Variants in RGS6 observed in about 807,000 individuals in gnomAD.
RGS6 encodes regulator of G protein signaling 6, also known as regulator of G-protein signaling 6.
RGS6 carries 30 observed loss-of-function variants against 78.5 expected under a neutral mutation model. The ratio of observed to expected loss-of-function variants is 0.38; its 90% CI spans 0.29 to 0.52. The LOEUF (loss-of-function observed/expected upper bound fraction) is 0.52, where lower values mean the gene tolerates loss of function less well. RGS6 is among the 20% of genes least tolerant of loss of function. The pLI is 0.85. For missense variants in RGS6, 495 were observed against 609.7 expected (o/e 0.81, Z 1.98); for synonymous variants, 206 against 206.0 (o/e 1.00, Z 0.00).
chr14:72,461,823 T>C (rs1597852902), intron 6 of RGS6, among the ~76,000 whole-genome samples: 1 of 152,204 alleles, frequency 6.6e-6, no homozygotes, highest in East Asian at 1.9e-4. Flanking sequence ...CTGGGTGATC[T>C]TGGCAAATTA....
chr14:72,133,706 C>G (rs1037114506), intron 2 of RGS6, among the ~76,000 whole-genome samples: 1 of 152,100 alleles, frequency 6.6e-6, no homozygotes, highest in Admixed American at 6.6e-5. Context: ...GCCTCTTCCT[C>G]CACTGTCAGG....
At chr14:72,591,827 G>A in the RGS6 span, among the ~76,000 whole-genome samples, 1 of 152,118 alleles carries the variant, frequency 6.6e-6, no homozygotes, top group African/African-American at 2.4e-5. Context: ...TAGCCTGAAG[G>A]GTTGGGTATC....
At chr14:72,605,892 G>A in the RGS6 span, among the ~76,000 whole-genome samples, 1 of 152,178 alleles carries the variant, frequency 6.6e-6, no homozygotes, top group East Asian at 1.9e-4. Context: ...TAGCCCCAAA[G>A]ATGGTTTCAA....
chr14:72,403,452 G>A (rs528693390), intron 3 of RGS6, among the ~76,000 whole-genome samples: 1 of 152,232 alleles, frequency 6.6e-6, no homozygotes, highest in East Asian at 1.9e-4. Flanking sequence ...AACTGAGAAG[G>A]GTAGGAGGGG....
At chr14:71,884,039 C>G in the RGS6 span, among the ~76,000 whole-genome samples, 1 of 152,316 alleles carries the variant, frequency 6.6e-6, no homozygotes, top group East Asian at 1.9e-4. Context: ...TCTTAATAAA[C>G]TTGCTTTCAC....
At chr14:71,988,871 A>T (rs2094834900) in intron 2 of RGS6, among the ~76,000 whole-genome samples, 1 of 152,216 alleles carries the variant, frequency 6.6e-6, no homozygotes. Flanking sequence ...CAAAAAATAT[A>T]CAAGACCTGC....
chr14:72,459,246 T>C (rs937948464), intron 5 of RGS6, among the ~76,000 whole-genome samples: 1 of 152,144 alleles, frequency 6.6e-6, no homozygotes, highest in East Asian at 1.9e-4. Flanking sequence ...TGGGCTTGAA[T>C]CAAGGTCTAA....
chr14:71,873,652 T>G, the RGS6 span, among the ~76,000 whole-genome samples: 1 of 152,332 alleles, frequency 6.6e-6, no homozygotes, highest in South Asian at 2.1e-4. Context: ...TTTAATTAGA[T>G]CCCATTTCTC....
intron 2 of RGS6, among the ~76,000 whole-genome samples, chr14:72,186,503 C>G (rs2097250055): frequency 6.6e-6 from 1 of 152,146 alleles, no homozygotes; most frequent in South Asian, 2.1e-4. Context: ...TCCTTTATTT[C>G]TTACTGCACA....
At chr14:72,136,263 A>G (rs946467699) in intron 2 of RGS6, among the ~76,000 whole-genome samples, 2 of 152,162 alleles carry the variant, frequency 1.3e-5, no homozygotes, top group African/African-American at 4.8e-5. Context: ...ACTAGAAAGA[A>G]GGAACTGAGA....
At chr14:72,424,762 T>C (rs2094360101) in intron 3 of RGS6, among the ~76,000 whole-genome samples, 1 of 152,254 alleles carries the variant, frequency 6.6e-6, no homozygotes, top group Non-Finnish European at 1.5e-5. Context: ...ATTTTATTCA[T>C]TGTAAGATGC....
intron 17 of RGS6, among the ~76,000 whole-genome samples, chr14:72,549,155 C>T (rs543847403): frequency 6.6e-6 from 1 of 152,294 alleles, no homozygotes; most frequent in Admixed American, 6.5e-5. Flanking sequence ...GGAGAAAAAG[C>T]CACAAGATGA....
intron 3 of RGS6, among the ~76,000 whole-genome samples, chr14:72,372,114 T>C (rs188566776): frequency 3.3e-4 from 50 of 152,368 alleles, no homozygotes; most frequent in Non-Finnish European, 4.4e-4. Flanking sequence ...TCTGAAGACA[T>C]TGGTGCCAGA....
intron 2 of RGS6, among the ~76,000 whole-genome samples, chr14:72,294,309 A>G (rs2064252966): frequency 6.6e-6 from 1 of 152,228 alleles, no homozygotes; most frequent in Non-Finnish European, 1.5e-5. Flanking sequence ...TGGCTGCCTT[A>G]GCCCACATCT....
At position 72,459,487 on chromosome 14, in the gene RGS6, T is replaced by C. The variant is rs561796642; in HGVS notation, c.343-145T>C. On this transcript the variant is annotated intron_variant, in intron 5 of 17. Coordinates refer to ENST00000553525, the MANE Select transcript of RGS6 (RefSeq NM_001204424.2). ...AAAATGTTGACTCACCTTAGCTGAA[T>C]TAGAGAAGAGGAGAGAATTGTGGGG... The C allele has an allele frequency of 5.9e-5, 42 of 709,204 alleles. No homozygotes were observed. In the African/African-American group the frequency reaches 6.9e-4, roughly 12 times the overall value. The allele number at this position is 709,204 out of a possible 1,614,324, so 43.9% of individuals were successfully genotyped here.
intron 2 of RGS6, among the ~76,000 whole-genome samples, chr14:72,153,916 T>A (rs1343199748): frequency 2.6e-5 from 4 of 152,176 alleles, no homozygotes; most frequent in African/African-American, 9.7e-5. Flanking sequence ...AGAACTGGTC[T>A]GACCAAAAAT....
chr14:72,137,720 C>T (rs2096467344), intron 2 of RGS6, among the ~76,000 whole-genome samples: 1 of 152,202 alleles, frequency 6.6e-6, no homozygotes, highest in South Asian at 2.1e-4. Context: ...AGTGCAGGAG[C>T]TTCTGTCCCC....
intron 3 of RGS6, among the ~76,000 whole-genome samples, chr14:72,443,521 C>G (rs1793623904): frequency 6.6e-6 from 1 of 152,220 alleles, no homozygotes; most frequent in African/African-American, 2.4e-5. Context: ...GTAACTATGG[C>G]CTGCAGCCCT....
intron 2 of RGS6, among the ~76,000 whole-genome samples, chr14:72,321,327 T>C (rs2071953763): frequency 6.6e-6 from 1 of 150,460 alleles, no homozygotes; most frequent in Non-Finnish European, 1.5e-5. Context: ...GAAACAGAAA[T>C]CAAAATACTA....
Sources: allele counts gnomAD v4.1 joint callset (sites outside exome capture counted in the v4.1 genomes callset), GRCh38; gene constraint gnomAD v4.1.1; transcripts MANE v1.5; gene names NCBI Gene and HGNC (gene_info 2026-07-23, HGNC 2026-07-21).